The following SH3BP5 variants were observed in gnomAD, a reference collection of about 807,000 sequenced individuals.
The protein encoded by SH3BP5 is SH3 domain-binding protein 5.
In SH3BP5, 22 loss-of-function variants were observed where a neutral mutation model predicts 43.3. That is an observed-to-expected ratio of 0.51 (90% CI 0.36 to 0.73). SH3BP5 has a LOEUF of 0.73. Ranked by LOEUF, SH3BP5 falls within the 30% of genes least tolerant of loss-of-function variation. SH3BP5 has a pLI of 0.00. For missense variants in SH3BP5, 529 were observed against 586.9 expected (o/e 0.90, Z 1.02); for synonymous variants, 255 against 225.8 (o/e 1.13, Z -1.16).
At chr3:15,311,613 T>G (rs140392625) in intron 2 of SH3BP5, among the ~76,000 whole-genome samples, 1 of 152,168 alleles carries the variant, frequency 6.6e-6, no homozygotes. Flanking sequence ...CTAATGTCTT[T>G]GCATAAAGTC....
intron 2 of SH3BP5, among the ~76,000 whole-genome samples, chr3:15,319,198 G>A (rs564463407): frequency 1.3e-5 from 2 of 152,206 alleles, no homozygotes; most frequent in South Asian, 4.2e-4. Context: ...TTAAGAAATG[G>A]GCAAAGTGGC....
At chr3:15,274,845 C>G (rs1467541379) in intron 3 of SH3BP5, among the ~76,000 whole-genome samples, 3 of 152,212 alleles carry the variant, frequency 2.0e-5, no homozygotes, top group Non-Finnish European at 4.4e-5. Flanking sequence ...TGAGCCGCCA[C>G]ACCCAGTCGC....
chr3:15,273,064 C>A (rs1696863147), intron 3 of SH3BP5: 11 of 894,382 alleles, frequency 1.2e-5, no homozygotes, highest in Middle Eastern at 5.7e-4. Flanking sequence ...GCAGAGGGAA[C>A]CTGTCACCTT....
chr3:15,262,126 C>T lies in SH3BP5; in HGVS notation c.626+33G>A, dbSNP rs763812869. The T allele has an allele frequency of 1.6e-5, 26 of 1,611,832 alleles. No individual in the cohort carries two copies. In the South Asian group the frequency reaches 2.4e-4, roughly 15 times the overall value. ...GAGAAGATGCAGACTAGGACAGCCG[C>T]ACGGCCCCAGGGAAGGCCCTGTCCA... is the stretch of plus-strand genomic sequence containing the variant. On this transcript the variant is annotated intron_variant, in intron 5 of 8. Coordinates refer to ENST00000383791, the MANE Select transcript of SH3BP5 (RefSeq NM_004844.5).
At chr3:15,276,599 C>G (rs903089669) in intron 3 of SH3BP5, among the ~76,000 whole-genome samples, 6 of 152,184 alleles carry the variant, frequency 3.9e-5, no homozygotes. Flanking sequence ...CGGCTCCCGT[C>G]CTGAAGCCTT....
intron 4 of SH3BP5, among the ~76,000 whole-genome samples, chr3:15,267,357 C>T (rs927953431): frequency 3.3e-5 from 5 of 152,198 alleles, no homozygotes; most frequent in African/African-American, 1.2e-4. Flanking sequence ...GGCACAGGGA[C>T]GTGATGGGGG....
At chr3:15,259,407 G>A in intron 6 of SH3BP5, 1 of 513,062 alleles carries the variant, frequency 1.9e-6, no homozygotes, top group Non-Finnish European at 3.5e-6. Flanking sequence ...AATCCCCTTG[G>A]GTGTTAAGAC....
At chr3:15,331,102 C>A (rs984494876) in intron 1 of SH3BP5, among the ~76,000 whole-genome samples, 2 of 152,190 alleles carry the variant, frequency 1.3e-5, no homozygotes, top group Non-Finnish European at 2.9e-5. Flanking sequence ...AATCCCATTC[C>A]TTTCAATAAA....
intron 3 of SH3BP5, among the ~76,000 whole-genome samples, chr3:15,284,310 C>A (rs918055780): frequency 5.3e-5 from 8 of 152,310 alleles, no homozygotes; most frequent in Non-Finnish European, 1.2e-4. Context: ...CCTGTTCAAC[C>A]CCTCCTTACT....
chr3:15,331,958 G>A (rs888714795), intron 1 of SH3BP5: 6 of 301,710 alleles, frequency 2.0e-5, no homozygotes, highest in African/African-American at 6.7e-5. Flanking sequence ...AGGATACCAT[G>A]GCGCCCCCGC....
upstream of SH3BP5, among the ~76,000 whole-genome samples, chr3:15,336,753 C>T (rs1575362968): frequency 6.6e-6 from 1 of 152,284 alleles, no homozygotes; most frequent in African/African-American, 2.4e-5. Flanking sequence ...ATAGTATAGT[C>T]TCCAAATCAT....
intron 3 of SH3BP5, among the ~76,000 whole-genome samples, chr3:15,275,129 T>G (rs889516730): frequency 6.6e-6 from 1 of 151,960 alleles, no homozygotes; most frequent in Non-Finnish European, 1.5e-5. Context: ...GAGAGGGAGA[T>G]CTCTCCCTCT....
intron 3 of SH3BP5, among the ~76,000 whole-genome samples, chr3:15,294,319 G>GTC (rs1220265037): frequency 6.9e-6 from 1 of 145,516 alleles, no homozygotes; most frequent in Non-Finnish European, 1.5e-5. Context: ...GTGTGTGTGT[G>GTC]TGTGTGTGTG....
At position 15,294,330 on chromosome 3, in the gene SH3BP5, T is replaced by TGTGTGTGC. The variant is rs565464561; in HGVS notation, c.330+9772_330+9773insGCACACAC. 4.8e-3 allele frequency among the ~76,000 whole-genome samples: 583 copies of TGTGTGTGC among 121,540 alleles called. 5 individuals carry two copies. Among genetic ancestry groups the TGTGTGTGC allele is most frequent in the Middle Eastern group, 0.036 (9 of 250 alleles). 79.7% of individuals were successfully genotyped at this position (121,540 alleles called of 152,430 possible). On this transcript the variant is annotated intron_variant, in intron 3 of 8. Transcript: ENST00000383791. ...GTGTGTGTGTGTGTGTGTGTGTGTGTGCGCGCGCATGTTTACGTAACTCCC... is the reference window on the plus strand; with the variant it reads ...GTGTGTGTGTGTGTGTGTGTGTGTGTGTGTGTGCGCGCGCGCATGTTTACGTAACTCCC...
chr3:15,300,733 G>A (rs1228565797), intron 3 of SH3BP5, among the ~76,000 whole-genome samples: 1 of 152,080 alleles, frequency 6.6e-6, no homozygotes, highest in Non-Finnish European at 1.5e-5. Flanking sequence ...AAGGTCCCTT[G>A]GGGTTGAGGG....
At chr3:15,290,130 G>A (rs1053620070) in intron 3 of SH3BP5, among the ~76,000 whole-genome samples, 5 of 152,068 alleles carry the variant, frequency 3.3e-5, no homozygotes, top group Non-Finnish European at 4.4e-5. Context: ...GGCCGGGCAC[G>A]GTGGCTCACA....
intron 2 of SH3BP5, among the ~76,000 whole-genome samples, chr3:15,304,853 C>T (rs969626922): frequency 1.4e-5 from 2 of 140,068 alleles, no homozygotes; most frequent in African/African-American, 5.4e-5. Flanking sequence ...GCAACAACAA[C>T]GCAAAGTTTC....
At chr3:15,270,708 T>G (rs141780223) in intron 3 of SH3BP5, among the ~76,000 whole-genome samples, 2 of 152,012 alleles carry the variant, frequency 1.3e-5, no homozygotes, top group African/African-American at 4.8e-5. Context: ...GGCGGATCAC[T>G]TGAGGTCAGG....
intron 3 of SH3BP5, among the ~76,000 whole-genome samples, chr3:15,294,337 G>A (rs867739688): frequency 2.7e-5 from 4 of 150,558 alleles, no homozygotes; most frequent in East Asian, 2.0e-4. Flanking sequence ...GTGTGCGCGC[G>A]CATGTTTACG....
Sources: gnomAD v4.1 joint callset for allele counts (sites outside exome capture counted in the v4.1 genomes callset) on GRCh38, gnomAD v4.1.1 for gene constraint, MANE v1.5 for transcripts, NCBI Gene and HGNC (gene_info 2026-07-23, HGNC 2026-07-21) for gene names.